The following VPS53 variants were observed in gnomAD, a reference collection of about 807,000 sequenced individuals.
VPS53 encodes the protein VPS53 subunit of GARP complex, also known as vacuolar protein sorting-associated protein 53 homolog.
A neutral mutation model predicts 107.0 loss-of-function variants in VPS53; 70 were observed. That is an observed-to-expected ratio of 0.65 (90% CI 0.54 to 0.80). VPS53 has a LOEUF of 0.80. Among genes scored for constraint, VPS53 ranks in the 30% least tolerant of loss-of-function variants. The pLI, the probability that VPS53 is intolerant of heterozygous loss-of-function variation, is 0.00. For synonymous variants in VPS53, 409 were observed against 393.3 expected, an observed-to-expected ratio of 1.04 and a Z score of -0.47; for missense variants, 917 against 1,049.4, an observed-to-expected ratio of 0.87 and a Z score of 1.74.
chr17:558,817 C>G (rs1240130360), intron 15 of VPS53, among the ~76,000 whole-genome samples: 4 of 121,890 alleles, frequency 3.3e-5, no homozygotes, highest in Admixed American at 9.2e-5. Context: ...AACCCCATCT[C>G]TACTAAAAAA....
chr17:604,983 C>A (rs1160074341), intron 11 of VPS53, among the ~76,000 whole-genome samples: 1 of 152,144 alleles, frequency 6.6e-6, no homozygotes, highest in Non-Finnish European at 1.5e-5. Context: ...AACAGTCACA[C>A]AAACAGTGAG....
chr17:574,978 A>T (rs1442602241), intron 13 of VPS53, among the ~76,000 whole-genome samples: 1 of 152,180 alleles, frequency 6.6e-6, no homozygotes, highest in African/African-American at 2.4e-5. Context: ...TGAATGTAGA[A>T]GACAGGGTGC....
At chr17:707,844 CAAA>C (rs10708313) in intron 2 of VPS53, among the ~76,000 whole-genome samples, 4 of 126,986 alleles carry the variant, frequency 3.1e-5, no homozygotes, top group Non-Finnish European at 3.3e-5. Context: ...AACTCTCTTT[CAAA>C]AAAAAAAAAA....
At position 697,475 on chromosome 17, in the gene VPS53, A is replaced by G. The variant is rs1311483954; in HGVS notation, c.228T>C (p.Asp76=). Residue 76 remains aspartate, a synonymous_variant, in exon 4 of 22, where the codon GAT becomes GAC. Coordinates refer to ENST00000437048, the MANE Select transcript of VPS53 (RefSeq NM_001128159.3). ...NKIRLKIRRL[D]DNIRTVVRGQ... ...CTCTTACAACAGTTCGAATATTGTC[A>G]TCCAGTCTCCTAGCAAAACAGTTCA... 1 of 1,613,712 alleles carries G rather than the reference A, an allele frequency of 6.2e-7. No homozygotes were observed. The highest frequency in any genetic ancestry group is 2.2e-5 in the East Asian group (1 of 44,892).
chr17:609,081 T>C (rs1968720122), intron 11 of VPS53, among the ~76,000 whole-genome samples: 1 of 152,218 alleles, frequency 6.6e-6, no homozygotes, highest in Non-Finnish European at 1.5e-5. Flanking sequence ...TTTTCGGACA[T>C]TCACAAGGTT....
intron 4 of VPS53, 89 bp downstream of exon 4, chr17:697,329 T>C (rs1366421708): frequency 2.7e-6 from 3 of 1,093,988 alleles, no homozygotes; most frequent in African/African-American, 3.1e-5. Context: ...CGGAAAGTGC[T>C]CTGCAAGAGG....
chr17:547,762 T>C (rs939432970), intron 17 of VPS53, among the ~76,000 whole-genome samples: 1 of 152,128 alleles, frequency 6.6e-6, no homozygotes, highest in African/African-American at 2.4e-5. Context: ...CTCAGCCTCC[T>C]GAGTAGCTGG....
At chr17:578,138 T>C (rs1914804038) in intron 13 of VPS53, among the ~76,000 whole-genome samples, 1 of 151,226 alleles carries the variant, frequency 6.6e-6, no homozygotes, top group South Asian at 2.1e-4. Context: ...AAGCAGGTAA[T>C]TCTTTCCCAG....
chr17:657,425 A>G, intron 5 of VPS53: 2 of 871,178 alleles, frequency 2.3e-6, no homozygotes, highest in South Asian at 1.3e-5. Context: ...TGAGGGGAAG[A>G]CACTCTCTCA....
chr17:556,337 A>G (rs1912346923), intron 15 of VPS53, among the ~76,000 whole-genome samples: 1 of 152,230 alleles, frequency 6.6e-6, no homozygotes, highest in Admixed American at 6.5e-5. Flanking sequence ...AGCAACACCA[A>G]TAATACATCA....
chr17:670,139 G>C (rs1971875535), intron 4 of VPS53, among the ~76,000 whole-genome samples: 1 of 152,090 alleles, frequency 6.6e-6, no homozygotes, highest in South Asian at 2.1e-4. Context: ...GCATCCTAAA[G>C]TGTTATAAAG....
chr17:578,020 G>A (rs1172303084), intron 13 of VPS53, among the ~76,000 whole-genome samples: 1 of 148,034 alleles, frequency 6.8e-6, no homozygotes, highest in East Asian at 2.0e-4. Context: ...CGTTCCCAAA[G>A]AACTTCCCTT....
Position 678,648 on chromosome 17 carries a change from A to ATT in VPS53, c.286-16754_286-16753insAA, listed in dbSNP as rs1228557280. Reference sequence around the variant, plus strand: ...CTCCTGGCTAAATATATATATATATATATTTTTTTGAGACAGAGTCTCGCT... The same window carrying ATT: ...CTCCTGGCTAAATATATATATATATATTTATTTTTTTGAGACAGAGTCTCGCT... On this transcript the variant is annotated intron_variant, in intron 4 of 21. Transcript: ENST00000437048. Among the ~76,000 whole-genome samples, 3 of 145,476 alleles carry ATT rather than the reference A, an allele frequency of 2.1e-5. No homozygotes were observed. The East Asian group carries it at 6.3e-4, about 30-fold the overall frequency.
chr17:564,010 G>A (rs1422747762), intron 13 of VPS53, among the ~76,000 whole-genome samples: 1 of 152,248 alleles, frequency 6.6e-6, no homozygotes, highest in African/African-American at 2.4e-5. Flanking sequence ...AGCACTGTGG[G>A]AGGCCGAGGC....
At position 521,880 on chromosome 17, in the gene VPS53, A is replaced by G. The variant is rs376814574; in HGVS notation, c.2086-142T>C. The G allele has an allele frequency of 3.1e-4, 314 of 1,011,806 alleles. 6 individuals are homozygous for G. In the East Asian group the frequency reaches 9.3e-3, roughly 30 times the overall value. The allele number at this position is 1,011,806 out of a possible 1,614,324, so 62.7% of individuals were successfully genotyped here. ...AATTGGGGAAATAAACAGAAATATA[A>G]AAGAAAAAAATTATGTATAATTCCC... On this transcript the variant is annotated intron_variant, in intron 19 of 21. Coordinates refer to ENST00000437048, the MANE Select transcript of VPS53 (RefSeq NM_001128159.3).
chr17:603,160 C>G (rs1209252460), intron 11 of VPS53, among the ~76,000 whole-genome samples: 3 of 152,218 alleles, frequency 2.0e-5, no homozygotes, highest in Admixed American at 6.5e-5. Flanking sequence ...TGCAGTGGCT[C>G]ACACCTGGAA....
chr17:549,148 C>T (rs1911576159), intron 17 of VPS53, among the ~76,000 whole-genome samples: 1 of 152,106 alleles, frequency 6.6e-6, no homozygotes, highest in Non-Finnish European at 1.5e-5. Context: ...AGGGTCTGAA[C>T]TGAACTGTTT....
At position 569,789 on chromosome 17, in the gene VPS53, C is replaced by T. The variant is rs1436552431; in HGVS notation, c.1314-7044G>A. Among the ~76,000 whole-genome samples the T allele has an allele frequency of 4.6e-5, 7 of 151,624 alleles. No homozygotes were observed. In the South Asian group the frequency reaches 1.0e-3, roughly 23 times the overall value. ...CAAAAAAATTAGCTGGGCATGGTGG[C>T]GAGCATCTATAATCCCAGCTACTTG... On this transcript the variant is annotated intron_variant, in intron 13 of 21. Transcript: ENST00000437048.
At chr17:611,115 G>A (rs1968849714) in intron 11 of VPS53, among the ~76,000 whole-genome samples, 1 of 151,976 alleles carries the variant, frequency 6.6e-6, no homozygotes, top group African/African-American at 2.4e-5. Flanking sequence ...CTGGGTTCAA[G>A]CGATTCTCCT....
Sources: gnomAD v4.1 joint callset for allele counts (sites outside exome capture counted in the v4.1 genomes callset) on GRCh38, gnomAD v4.1.1 for gene constraint, MANE v1.5 for transcripts, NCBI Gene and HGNC (gene_info 2026-07-23, HGNC 2026-07-21) for gene names.